EIF2A: variants seen among roughly 807,000 people sequenced by gnomAD.
EIF2A encodes 65 kDa eukaryotic translation initiation factor 2A.
Under a neutral mutation model 75.2 loss-of-function variants are expected in EIF2A, and 62 were observed. That is an observed-to-expected ratio of 0.82 (90% CI 0.67 to 1.02). The LOEUF (loss-of-function observed/expected upper bound fraction) is 1.02. Ranked by LOEUF, EIF2A falls within the 50% of genes least tolerant of loss-of-function variation. The pLI is 0.00. For synonymous variants in EIF2A, 207 were observed against 239.0 expected (o/e 0.87, Z 1.23); for missense variants, 611 against 677.7 (o/e 0.90, Z 1.09).
chr3:150,580,690 CTCT>C (rs1725135877), intron 11 of EIF2A, among the ~76,000 whole-genome samples: 1 of 152,126 alleles, frequency 6.6e-6, no homozygotes, highest in Non-Finnish European at 1.5e-5. Flanking sequence ...TTTACGGCTT[CTCT>C]TTGGCATATC....
intron 1 of EIF2A, among the ~76,000 whole-genome samples, chr3:150,547,558 AT>A (rs1377924495): frequency 6.6e-6 from 1 of 152,104 alleles, no homozygotes; most frequent in Non-Finnish European, 1.5e-5. Context: ...GCATATGAGT[AT>A]TACGTAAGGA....
rs779146589 is a variant in EIF2A, at chr3:150,564,394, T to G, written c.475+13T>G. Reference sequence around the variant, plus strand: ...AACAACAATTTTAGTATGGAAAGATTTATGACATAATTTTATTACTTACTG... The same window carrying G: ...AACAACAATTTTAGTATGGAAAGATGTATGACATAATTTTATTACTTACTG... On this transcript the variant is annotated intron_variant, in intron 6 of 13. Transcript: ENST00000460851. 6.4e-7 allele frequency: 1 copy of G among 1,568,088 alleles called. No homozygotes were observed. The highest frequency in any genetic ancestry group is 1.2e-5 in the South Asian group (1 of 83,158).
At chr3:150,551,049 G>T (rs1723290284) in intron 1 of EIF2A, among the ~76,000 whole-genome samples, 2 of 152,084 alleles carry the variant, frequency 1.3e-5, no homozygotes, top group African/African-American at 4.8e-5. Context: ...TCTTTCCATG[G>T]GGTTTTTGCA....
At chr3:150,560,716 C>CTTT (rs71138455) in intron 3 of EIF2A, among the ~76,000 whole-genome samples, 14 of 120,672 alleles carry the variant, frequency 1.2e-4, no homozygotes, top group East Asian at 2.5e-4. Flanking sequence ...GATGGAGAGT[C>CTTT]TTTTTTTTTT....
intron 2 of EIF2A, among the ~76,000 whole-genome samples, chr3:150,555,584 C>T (rs1274861104): frequency 6.6e-6 from 1 of 151,172 alleles, no homozygotes; most frequent in Admixed American, 6.6e-5. Flanking sequence ...GTTTGAGAAG[C>T]ACTACTCTAG....
At chr3:150,570,150 G>C (rs1178277463) in intron 9 of EIF2A, among the ~76,000 whole-genome samples, 1 of 151,804 alleles carries the variant, frequency 6.6e-6, no homozygotes. Context: ...CTTAAGAGTA[G>C]AAAAAGACTT....
intron 10 of EIF2A, among the ~76,000 whole-genome samples, chr3:150,574,724 C>A (rs1724757158): frequency 2.0e-5 from 3 of 152,340 alleles, no homozygotes; most frequent in African/African-American, 7.2e-5. Context: ...ATTTATTACT[C>A]TGCATCTTAA....
chr3:150,572,812 C>T (rs1344131832), intron 10 of EIF2A, among the ~76,000 whole-genome samples: 2 of 147,250 alleles, frequency 1.4e-5, no homozygotes, highest in East Asian at 4.1e-4. Context: ...GCCGAGATCG[C>T]ACCACTGCAC....
At chr3:150,556,703 T>G (rs1723589487) in intron 2 of EIF2A, among the ~76,000 whole-genome samples, 1 of 152,216 alleles carries the variant, frequency 6.6e-6, no homozygotes, top group Non-Finnish European at 1.5e-5. Flanking sequence ...CTATTTTTTG[T>G]GTATGTTTGA....
intron 6 of EIF2A, 91 bp from the exon 7 acceptor site, chr3:150,567,602 A>G (rs1204876980): frequency 5.8e-6 from 5 of 866,580 alleles, no homozygotes; most frequent in Non-Finnish European, 9.0e-6. Context: ...ATTGGTGTGT[A>G]GTTATAGTGA....
intron 3 of EIF2A, among the ~76,000 whole-genome samples, chr3:150,559,388 G>A (rs1369817618): frequency 6.6e-6 from 1 of 151,880 alleles, no homozygotes; most frequent in African/African-American, 2.4e-5. Flanking sequence ...AATAGAGACA[G>A]GGTCTTGTTA....
At chr3:150,554,002 C>T (rs955884130) in intron 2 of EIF2A, among the ~76,000 whole-genome samples, 1 of 152,148 alleles carries the variant, frequency 6.6e-6, no homozygotes, top group Non-Finnish European at 1.5e-5. Flanking sequence ...GAACCACTTC[C>T]TTGGAGAAGT....
At chr3:150,581,845 T>A in intron 12 of EIF2A, 99 bp downstream of exon 12, 1 of 1,400,236 alleles carries the variant, frequency 7.1e-7, no homozygotes, top group South Asian at 1.4e-5. Flanking sequence ...ATCTAAGAAG[T>A]TGGTATCAGC....
intron 1 of EIF2A, among the ~76,000 whole-genome samples, chr3:150,548,568 C>T (rs1221079835): frequency 6.6e-6 from 1 of 152,234 alleles, no homozygotes; most frequent in Non-Finnish European, 1.5e-5. Context: ...AGCATTACCA[C>T]TTGAGCTTCC....
intron 2 of EIF2A, among the ~76,000 whole-genome samples, chr3:150,553,112 G>A (rs565113795): frequency 5.9e-5 from 9 of 152,152 alleles, no homozygotes; most frequent in Non-Finnish European, 1.3e-4. Context: ...GAGGTCAGGA[G>A]TTCAAGACCA....
chr3:150,554,680 AG>A (rs764890794), intron 2 of EIF2A, among the ~76,000 whole-genome samples: 1 of 152,210 alleles, frequency 6.6e-6, no homozygotes, highest in East Asian at 1.9e-4. Context: ...GATCATCAAA[AG>A]ATGCTGAAAC....
intron 3 of EIF2A, among the ~76,000 whole-genome samples, chr3:150,560,439 T>C (rs193273024): frequency 1.7e-4 from 26 of 152,256 alleles, no homozygotes; most frequent in Admixed American, 1.3e-3. Context: ...GAATAACTCT[T>C]AAAGACCATC....
chr3:150,565,082 G>T, intron 6 of EIF2A: 1 of 419,376 alleles, frequency 2.4e-6, no homozygotes, highest in Non-Finnish European at 4.7e-6. Context: ...ATAATTTATT[G>T]TTTAAGAAAC....
chr3:150,572,383 TG>T lies in EIF2A; in HGVS notation c.1239del (p.Trp413CysfsTer14). 6.2e-7 allele frequency: 1 copy of T among 1,614,024 alleles called. No homozygotes were observed. The highest frequency in any genetic ancestry group is 1.1e-5 in the South Asian group (1 of 91,090). ...PSNAELWQVS[W>X]QPFLDGIFPA... ...AAATGCAGAATTATGGCAGGTTTCT[TG>T]GCAGCCATTTTTGGATGGAATATTT... On this transcript the variant is annotated frameshift_variant, in exon 10 of 14. Transcript: ENST00000460851. LOFTEE classifies it high-confidence loss of function.
Sources: gnomAD v4.1 joint callset for allele counts (sites outside exome capture counted in the v4.1 genomes callset) on GRCh38, gnomAD v4.1.1 for gene constraint, MANE v1.5 for transcripts, NCBI Gene and HGNC (gene_info 2026-07-23, HGNC 2026-07-21) for gene names.